The following PRELID2 variants were observed in gnomAD, a reference collection of about 807,000 sequenced individuals.
The protein encoded by PRELID2 is PRELI domain-containing protein 2.
Under a neutral mutation model 28.4 loss-of-function variants are expected in PRELID2, and 25 were observed. That is an observed-to-expected ratio of 0.88 (90% CI 0.64 to 1.23). The LOEUF (loss-of-function observed/expected upper bound fraction) is 1.23, where lower values mean the gene tolerates loss of function less well. Ranked by LOEUF, PRELID2 falls within the 50% of genes most tolerant of loss-of-function variation. The pLI, the probability that PRELID2 is intolerant of heterozygous loss-of-function variation, is 0.00. For synonymous variants in PRELID2, 76 were observed against 71.6 expected (o/e 1.06, Z -0.31); for missense variants, 201 against 214.4 (o/e 0.94, Z 0.39).
the PRELID2 span, among the ~76,000 whole-genome samples, chr5:145,350,538 G>A: frequency 1.9e-4 from 29 of 152,106 alleles, no homozygotes; most frequent in African/African-American, 5.8e-4. Context: ...GCCCATCCAC[G>A]GAGACTGGAA....
downstream of PRELID2, among the ~76,000 whole-genome samples, chr5:145,753,984 C>T (rs910514589): frequency 1.2e-4 from 19 of 152,108 alleles, no homozygotes; most frequent in Non-Finnish European, 2.6e-4. Context: ...AGGACTAGCC[C>T]ACACAAGTCA....
intron 2 of PRELID2, among the ~76,000 whole-genome samples, chr5:145,472,802 C>T (rs908695602): frequency 1.3e-5 from 2 of 152,108 alleles, no homozygotes; most frequent in African/African-American, 4.8e-5. Context: ...CCCTCAAAAA[C>T]ACTCAAGGAT....
intron 1 of PRELID2, among the ~76,000 whole-genome samples, chr5:145,650,932 C>T (rs1353376604): frequency 6.6e-6 from 1 of 152,098 alleles, no homozygotes; most frequent in East Asian, 1.9e-4. Context: ...GTGCGGCCCA[C>T]CGAGCGTGAG....
rs1310187378 is a variant in PRELID2, at chr5:145,759,549, G to A, written c.*987C>T. On this transcript the variant is annotated 3_prime_UTR_variant, in exon 7 of 7. Coordinates refer to ENST00000683046, the MANE Select transcript of PRELID2 (RefSeq NM_205846.3). Reference sequence around the variant, plus strand: ...AGTGTGCTAGGTACTTCATAGGCATGATCTCAAATCAGTCCAACAATCTCA... The same window carrying A: ...AGTGTGCTAGGTACTTCATAGGCATAATCTCAAATCAGTCCAACAATCTCA... 2 of 152,186 alleles carry A rather than the reference G, an allele frequency of 1.3e-5. No individual in the cohort carries two copies. Among genetic ancestry groups the A allele is most frequent in the Non-Finnish European group, 2.9e-5 (2 of 68,036 alleles). The allele number at this position is 152,186 out of a possible 1,614,324, so 9.4% of individuals were successfully genotyped here. A position where few individuals can be genotyped will look rare whatever the true frequency, so the allele number is the denominator to read the frequency against.
intron 1 of PRELID2, among the ~76,000 whole-genome samples, chr5:145,523,499 A>G (rs1752581220): frequency 6.6e-6 from 1 of 152,098 alleles, no homozygotes; most frequent in Non-Finnish European, 1.5e-5. Flanking sequence ...ATTTCTCACA[A>G]TCCTTCTGAA....
At chr5:145,469,977 T>C (rs558159628), downstream of PRELID2, among the ~76,000 whole-genome samples, 38 of 151,818 alleles carry the variant, frequency 2.5e-4, no homozygotes, top group South Asian at 5.8e-3. Context: ...TATTATGTCA[T>C]TTATTGTGGA....
the PRELID2 span, chr5:145,229,827 A>C: frequency 1.3e-6 from 1 of 760,254 alleles, no homozygotes; most frequent in Non-Finnish European, 2.4e-6. Flanking sequence ...CCGCCCCTGC[A>C]TCGCCAAGTC....
At chr5:145,347,935 C>A in the PRELID2 span, among the ~76,000 whole-genome samples, 1 of 151,942 alleles carries the variant, frequency 6.6e-6, no homozygotes, top group Non-Finnish European at 1.5e-5. Flanking sequence ...GACGCTTTAC[C>A]ATTTTGATTC....
At chr5:145,560,255 CTAA>C (rs1196783604) in intron 1 of PRELID2, among the ~76,000 whole-genome samples, 1 of 152,188 alleles carries the variant, frequency 6.6e-6, no homozygotes, top group Non-Finnish European at 1.5e-5. Flanking sequence ...ACTGTCTGTA[CTAA>C]TAAGTGCTGT....
the PRELID2 span, among the ~76,000 whole-genome samples, chr5:145,363,592 C>T: frequency 1.1e-4 from 16 of 152,022 alleles, no homozygotes; most frequent in South Asian, 6.2e-4. Flanking sequence ...CTTTTTATAA[C>T]GATACCATTA....
chr5:145,774,718 G>T (rs148068114), intron 5 of PRELID2, among the ~76,000 whole-genome samples: 635 of 152,276 alleles, frequency 4.2e-3, no homozygotes, highest in Middle Eastern at 0.034. Flanking sequence ...ATTAGGCCCA[G>T]CAGGGTAAAC....
At chr5:145,396,154 C>T in the PRELID2 span, among the ~76,000 whole-genome samples, 10 of 152,218 alleles carry the variant, frequency 6.6e-5, no homozygotes, top group Admixed American at 2.0e-4. Flanking sequence ...CAAATGTTTA[C>T]GAAGCTTTAT....
chr5:145,461,391 C>T, the PRELID2 span, among the ~76,000 whole-genome samples: 121 of 152,240 alleles, frequency 7.9e-4, no homozygotes, highest in African/African-American at 2.7e-3. Flanking sequence ...CAAGCTCTGC[C>T]TCCCGGGTTC....
chr5:145,343,281 C>A, the PRELID2 span, among the ~76,000 whole-genome samples: 1 of 151,878 alleles, frequency 6.6e-6, no homozygotes, highest in Non-Finnish European at 1.5e-5. Flanking sequence ...GGCCACAAAA[C>A]AAGTCTCAAC....
At chr5:145,384,929 T>C in the PRELID2 span, among the ~76,000 whole-genome samples, 1 of 152,122 alleles carries the variant, frequency 6.6e-6, no homozygotes, top group Non-Finnish European at 1.5e-5. Flanking sequence ...CCACCTCTAA[T>C]ACTGGTAATG....
the PRELID2 span, among the ~76,000 whole-genome samples, chr5:145,453,578 T>C: frequency 1.3e-5 from 2 of 152,124 alleles, no homozygotes; most frequent in African/African-American, 4.8e-5. Flanking sequence ...CCATCATCTA[T>C]CTACATTAAA....
intron 4 of PRELID2, among the ~76,000 whole-genome samples, chr5:145,806,098 A>G (rs1753485789): frequency 6.6e-6 from 1 of 152,202 alleles, no homozygotes; most frequent in Non-Finnish European, 1.5e-5. Context: ...CTGTACACCT[A>G]GGCTACACTA....
the PRELID2 span, among the ~76,000 whole-genome samples, chr5:145,352,962 G>A: frequency 6.6e-6 from 1 of 152,034 alleles, no homozygotes; most frequent in Non-Finnish European, 1.5e-5. Context: ...TCAACATTTT[G>A]GTCAAAGTTA....
the PRELID2 span, among the ~76,000 whole-genome samples, chr5:145,293,641 A>AT: frequency 6.6e-6 from 1 of 152,176 alleles, no homozygotes; most frequent in Non-Finnish European, 1.5e-5. Flanking sequence ...ATATTAAGGT[A>AT]TTTTCTCATG....
Sources: gnomAD v4.1 joint callset for allele counts (sites outside exome capture counted in the v4.1 genomes callset) on GRCh38, gnomAD v4.1.1 for gene constraint, MANE v1.5 for transcripts, NCBI Gene and HGNC (gene_info 2026-07-23, HGNC 2026-07-21) for gene names.